ADD2: variants seen among roughly 807,000 people sequenced by gnomAD.
The protein encoded by ADD2 is adducin 2.
ADD2 carries 23 observed loss-of-function variants against 83.0 expected under a neutral mutation model. The ratio of observed to expected loss-of-function variants is 0.28; its 90% CI spans 0.20 to 0.39. The LOEUF (loss-of-function observed/expected upper bound fraction) is 0.39, where lower values mean the gene tolerates loss of function less well. Among genes scored for constraint, ADD2 ranks in the 10% least tolerant of loss-of-function variants. ADD2 has a pLI of 1.00. For synonymous variants in ADD2, 375 were observed against 375.4 expected (o/e 1.00, Z 0.01); for missense variants, 758 against 944.9 (o/e 0.80, Z 2.59).
At chr2:70,762,878 G>C (rs1014369577) in intron 1 of ADD2, among the ~76,000 whole-genome samples, 7 of 151,176 alleles carry the variant, frequency 4.6e-5, no homozygotes, top group African/African-American at 1.7e-4. Flanking sequence ...GCTAATTTTT[G>C]TATTTTTAGT....
chr2:70,736,055 C>A (rs1474416249), intron 1 of ADD2, among the ~76,000 whole-genome samples: 1 of 151,986 alleles, frequency 6.6e-6, no homozygotes, highest in Non-Finnish European at 1.5e-5. Flanking sequence ...CATGCCATTC[C>A]CCCATCAGGA....
At chr2:70,730,727 T>C (rs1553379151) in intron 1 of ADD2, among the ~76,000 whole-genome samples, 2 of 152,246 alleles carry the variant, frequency 1.3e-5, no homozygotes, top group African/African-American at 2.4e-5. Context: ...AGACCACATA[T>C]GTGATGGTGG....
chr2:70,694,668 A>AC (rs1671216258), intron 6 of ADD2, among the ~76,000 whole-genome samples: 1 of 151,934 alleles, frequency 6.6e-6, no homozygotes, highest in Admixed American at 6.5e-5. Context: ...AAGTCTGCTT[A>AC]CCCCGCTGGT....
intron 14 of ADD2, among the ~76,000 whole-genome samples, chr2:70,673,785 C>T (rs1307528168): frequency 4.6e-5 from 7 of 152,078 alleles, no homozygotes; most frequent in African/African-American, 1.7e-4. Flanking sequence ...TTAGTAGAGA[C>T]GGGGTTTCAC....
chr2:70,684,856 G>GGT (rs1670637308), intron 9 of ADD2, among the ~76,000 whole-genome samples: 1 of 152,152 alleles, frequency 6.6e-6, no homozygotes, highest in Non-Finnish European at 1.5e-5. Context: ...TAGGACAAGA[G>GGT]GTGTGTGTAT....
intron 1 of ADD2, among the ~76,000 whole-genome samples, chr2:70,740,340 AG>A (rs1346794622): frequency 6.6e-6 from 1 of 152,334 alleles, no homozygotes; most frequent in African/African-American, 2.4e-5. Context: ...TCCTTGACAA[AG>A]AGGCTTAAAA....
At chr2:70,734,364 T>G (rs1378468481) in intron 1 of ADD2, among the ~76,000 whole-genome samples, 1 of 147,220 alleles carries the variant, frequency 6.8e-6, no homozygotes, top group Non-Finnish European at 1.5e-5. Context: ...CCTCACCCCC[T>G]CAAAGCACAC....
chr2:70,679,031 C>CA, intron 10 of ADD2, 70 bp from the exon 11 acceptor site: 1 of 1,495,844 alleles, frequency 6.7e-7, no homozygotes, highest in East Asian at 2.3e-5. Context: ...TACATGCACA[C>CA]ACACCTTTCC....
intron 12 of ADD2, 90 bp downstream of exon 12, chr2:70,677,668 G>C: frequency 2.0e-6 from 3 of 1,525,600 alleles, no homozygotes; most frequent in Non-Finnish European, 2.7e-6. Flanking sequence ...CAGCGAGTCA[G>C]GCACATCCTG....
rs1207108968 is a variant in ADD2, at chr2:70,661,603, A to C, written c.*1822T>G. On this transcript the variant is annotated 3_prime_UTR_variant, in exon 16 of 16. Transcript: ENST00000264436. ...AACTATGGATGGTATTTCCCGCCCC[A>C]ACCAGAAGGCTCTTGCCTCTCCTTT... 6 of 152,212 alleles carry C rather than the reference A, an allele frequency of 3.9e-5. No individual in the cohort carries two copies. Among genetic ancestry groups the C allele is most frequent in the Admixed American group, 1.3e-4 (2 of 15,278 alleles). The allele number at this position is 152,212 out of a possible 1,614,324, so 9.4% of individuals were successfully genotyped here. A position where few individuals can be genotyped will look rare whatever the true frequency, so the allele number is the denominator to read the frequency against.
intron 2 of ADD2, among the ~76,000 whole-genome samples, chr2:70,709,392 T>C (rs1162419792): frequency 2.6e-5 from 4 of 152,020 alleles, no homozygotes; most frequent in Non-Finnish European, 5.9e-5. Flanking sequence ...CTAGAATGGT[T>C]GTGGTCATAC....
chr2:70,662,227 A>G lies in ADD2; in HGVS notation c.*1198T>C, dbSNP rs1162178785. 6.6e-6 allele frequency: 1 copy of G among 152,234 alleles called. No homozygotes were observed. Among genetic ancestry groups the G allele is most frequent in the Non-Finnish European group, 1.5e-5 (1 of 68,038 alleles). 9.4% of individuals were successfully genotyped at this position (152,234 alleles called of 1,614,324 possible). On this transcript the variant is annotated 3_prime_UTR_variant, in exon 16 of 16. Coordinates refer to ENST00000264436, the MANE Select transcript of ADD2 (RefSeq NM_001617.4). ...TGAGAAGACAGTGTTGGCATTTAAA[A>G]CAATAACTGTGGCCATTACCAGGCC...
chr2:70,702,910 T>C (rs1671674184), intron 4 of ADD2, among the ~76,000 whole-genome samples: 1 of 152,104 alleles, frequency 6.6e-6, no homozygotes, highest in Non-Finnish European at 1.5e-5. Context: ...GTGGATCACT[T>C]GAACCCAGAA....
At chr2:70,745,956 A>G (rs1553381913) in intron 1 of ADD2, among the ~76,000 whole-genome samples, 1 of 152,262 alleles carries the variant, frequency 6.6e-6, no homozygotes, top group African/African-American at 2.4e-5. Flanking sequence ...TCACTGTGAA[A>G]CAAATCTATT....
At chr2:70,753,587 G>A (rs1553383320) in intron 1 of ADD2, among the ~76,000 whole-genome samples, 1 of 152,018 alleles carries the variant, frequency 6.6e-6, no homozygotes. Flanking sequence ...AGGGATGTGT[G>A]TCAGGGGTTG....
chr2:70,723,159 C>T (rs1672814658), intron 1 of ADD2, among the ~76,000 whole-genome samples: 1 of 152,184 alleles, frequency 6.6e-6, no homozygotes, highest in Non-Finnish European at 1.5e-5. Flanking sequence ...AGGAATGAAT[C>T]CCAGCTCTGC....
intron 1 of ADD2, among the ~76,000 whole-genome samples, chr2:70,720,276 T>A (rs1553377103): frequency 1.3e-5 from 2 of 151,844 alleles, no homozygotes; most frequent in Admixed American, 6.6e-5. Context: ...AGGAGGAAAG[T>A]TAGTAGGCCC....
chr2:70,767,806 G>A (rs1271693379), intron 1 of ADD2, 80 bp downstream of exon 1: 18 of 1,519,896 alleles, frequency 1.2e-5, no homozygotes, highest in Admixed American at 1.0e-4. Context: ...GCTCCCGCCC[G>A]GCCGAGGGAT....
intron 1 of ADD2, among the ~76,000 whole-genome samples, chr2:70,757,103 C>G (rs1012965961): frequency 7.2e-5 from 11 of 152,202 alleles, no homozygotes; most frequent in African/African-American, 2.7e-4. Context: ...GCTGGGATTA[C>G]AGGGATAAGC....
Sources: allele counts gnomAD v4.1 joint callset (sites outside exome capture counted in the v4.1 genomes callset), GRCh38; gene constraint gnomAD v4.1.1; transcripts MANE v1.5; gene names NCBI Gene and HGNC (gene_info 2026-07-23, HGNC 2026-07-21).